IQCB1: variants seen among roughly 807,000 people sequenced by gnomAD.
IQCB1 encodes IQ calmodulin-binding motif-containing protein 1.
IQCB1 carries 56 observed loss-of-function variants against 84.4 expected under a neutral mutation model. The ratio of observed to expected loss-of-function variants is 0.66; its 90% CI spans 0.54 to 0.83. IQCB1 has a LOEUF of 0.83. Among genes scored for constraint, IQCB1 ranks in the 40% least tolerant of loss-of-function variants. The pLI, the probability that IQCB1 is intolerant of heterozygous loss-of-function variation, is 0.00. For synonymous variants in IQCB1, 210 were observed against 234.8 expected, an observed-to-expected ratio of 0.89 and a Z score of 0.96; for missense variants, 629 against 682.1, an observed-to-expected ratio of 0.92 and a Z score of 0.87.
intron 12 of IQCB1, among the ~76,000 whole-genome samples, chr3:121,786,876 C>T (rs577371678): frequency 6.9e-4 from 105 of 152,178 alleles, no homozygotes; most frequent in African/African-American, 2.4e-3. Context: ...AGTAAGTCAA[C>T]CTAATAAGGA....
chr3:121,778,073 A>G (rs1948303538), intron 13 of IQCB1, among the ~76,000 whole-genome samples: 1 of 152,028 alleles, frequency 6.6e-6, no homozygotes, highest in African/African-American at 2.4e-5. Flanking sequence ...ATGCCTGGCT[A>G]ATTTTTAAAT....
intron 13 of IQCB1, among the ~76,000 whole-genome samples, chr3:121,779,533 T>C (rs2108520252): frequency 6.6e-6 from 1 of 152,290 alleles, no homozygotes; most frequent in Non-Finnish European, 1.5e-5. Flanking sequence ...TTTTTGAACA[T>C]ATAAAATACA....
In IQCB1 at chr3:121,772,613, T is replaced by A; in HGVS notation, c.1511A>T (p.Gln504Leu). 1 of 1,614,254 alleles carries A rather than the reference T, an allele frequency of 6.2e-7. No homozygotes were observed. Among genetic ancestry groups the A allele is most frequent in the Non-Finnish European group, 8.5e-7 (1 of 1,180,044 alleles). The change falls in exon 14 of 15, where the codon CAG becomes CTG. Residue 504 changes from glutamine to leucine, a missense_variant. Coordinates refer to ENST00000310864, the MANE Select transcript of IQCB1 (RefSeq NM_001023570.4). ...TGCTATCAGAGCTTCTCTGTGCTGC[T>A]GGGCTCGCTCTTCTAGGGCCCTGCC... ...FMGRALEERA[Q>L]QHREALIAQI...
At chr3:121,792,376 TG>T (rs1437017572) in intron 10 of IQCB1, among the ~76,000 whole-genome samples, 1 of 151,632 alleles carries the variant, frequency 6.6e-6, no homozygotes, top group African/African-American at 2.4e-5. Context: ...AAGTGAGATT[TG>T]GGCCGGGCGC....
At chr3:121,792,661 C>CAA (rs56685889) in intron 10 of IQCB1, among the ~76,000 whole-genome samples, 46 of 76,128 alleles carry the variant, frequency 6.0e-4, no homozygotes, top group Non-Finnish European at 8.3e-4. Context: ...GACTCCGTCT[C>CAA]AAAAAAAAAA....
chr3:121,786,656 A>T (rs1302339939), intron 12 of IQCB1, among the ~76,000 whole-genome samples: 1 of 152,178 alleles, frequency 6.6e-6, no homozygotes, highest in Non-Finnish European at 1.5e-5. Context: ...TTTCTTAGCT[A>T]GAGGAGATAT....
chr3:121,808,405 T>TC (rs1949689488), intron 6 of IQCB1, among the ~76,000 whole-genome samples: 1 of 151,972 alleles, frequency 6.6e-6, no homozygotes, highest in African/African-American at 2.4e-5. Context: ...ATTTTTTCAG[T>TC]CTTAAGAAAA....
chr3:121,828,377 T>C, intron 4 of IQCB1, 93 bp downstream of exon 4: 1 of 1,103,552 alleles, frequency 9.1e-7, no homozygotes, highest in Admixed American at 1.7e-5. Flanking sequence ...AGGTTGCCAA[T>C]GCTTGTTAGG....
intron 13 of IQCB1, among the ~76,000 whole-genome samples, chr3:121,773,902 C>T (rs4676745): frequency 0.64 from 96,977 of 150,896 alleles, 31,573 homozygotes; most frequent in African/African-American, 0.71. Context: ...CAACAAAAAC[C>T]AGACAAAATG....
In IQCB1 at chr3:121,826,100, A is replaced by C; in HGVS notation, c.344T>G (p.Phe115Cys). The C allele has an allele frequency of 1.2e-6, 2 of 1,613,442 alleles. No homozygotes were observed. The highest frequency in any genetic ancestry group is 1.7e-6 in the Non-Finnish European group (2 of 1,179,398). Residue 115 changes from phenylalanine to cysteine, a missense_variant, in exon 5 of 15, where the codon TTT becomes TGT. Phe to Cys is a radical substitution (Grantham distance 205). Transcript: ENST00000310864. ...NELLPSAAEN[F>C]LVLGRQLQTC... is the part of the protein sequence containing the mutation. ...TTGTAATTGTCTCCCCAAAACTAGA[A>C]AATTTTCTGCAGCTGATGGAAGTAA...
At chr3:121,796,563 C>T (rs1404585505) in intron 9 of IQCB1, among the ~76,000 whole-genome samples, 2 of 151,882 alleles carry the variant, frequency 1.3e-5, no homozygotes. Context: ...TTTATTAATA[C>T]CATTTCTTAC....
In IQCB1 at chr3:121,797,155, A is replaced by C. The variant is rs1470893603; in HGVS notation, c.839T>G (p.Leu280Arg). Residue 280 changes from leucine to arginine, a missense_variant, in exon 9 of 15, where the codon CTT (leucine) becomes CGT (arginine). Physicochemically the swap from Leu to Arg is moderately radical, Grantham distance 102 (BLOSUM62 -2). Coordinates refer to ENST00000310864, the MANE Select transcript of IQCB1 (RefSeq NM_001023570.4). The part of the protein sequence containing the change: ...FSQELRQLVG[L>R]LSPMVYQEVE... ...TTCCTGATAGACCATTGGGCTTAAA[A>C]GGCCAACAAGCTGTCTAAGTTCTTG... 6.2e-7 allele frequency: 1 copy of C among 1,609,648 alleles called. No homozygotes were observed. Among genetic ancestry groups the C allele is most frequent in the African/African-American group, 1.3e-5 (1 of 74,884 alleles).
chr3:121,781,235 C>A (rs1316595166), intron 13 of IQCB1, among the ~76,000 whole-genome samples: 2 of 152,132 alleles, frequency 1.3e-5, no homozygotes, highest in African/African-American at 4.8e-5. Context: ...AGGTGACCTG[C>A]CATCCTGTGG....
At chr3:121,813,825 G>C (rs1170576997) in intron 5 of IQCB1, among the ~76,000 whole-genome samples, 2 of 152,152 alleles carry the variant, frequency 1.3e-5, no homozygotes, top group African/African-American at 4.8e-5. Context: ...ATAATAGTGA[G>C]AGACTTTAAC....
chr3:121,776,043 C>CA (rs1948210988), intron 13 of IQCB1, among the ~76,000 whole-genome samples: 4 of 84,866 alleles, frequency 4.7e-5, no homozygotes, highest in African/African-American at 1.1e-4. Context: ...GATTCATCCA[C>CA]GTTTTTTTTT....
chr3:121,792,771 T>A (rs1305815726), intron 10 of IQCB1, among the ~76,000 whole-genome samples: 1 of 152,150 alleles, frequency 6.6e-6, no homozygotes, highest in Non-Finnish European at 1.5e-5. Flanking sequence ...CTGAAAACAT[T>A]TATTAGGAAC....
Position 121,790,169 on chromosome 3 carries a change from C to T in IQCB1, c.1033G>A (p.Glu345Lys). 4 of 1,613,610 alleles carry T rather than the reference C, an allele frequency of 2.5e-6. No individual in the cohort carries two copies. In the South Asian group the frequency reaches 4.4e-5, roughly 18 times the overall value. Reference protein sequence around the residue: ...MLLEINRQKEEEDLKLQLQLQ... With the variant: ...MLLEINRQKEKEDLKLQLQLQ... ...TGCAATTGTAATTTGAGGTCCTCTT[C>T]TTCCTTCTGCCTATTTATCTCCAGC... Residue 345 changes from glutamate (E) to lysine (K), a missense_variant, in exon 11 of 15, where the codon GAA becomes AAA. Glu to Lys is a moderately conservative substitution (Grantham distance 56). Transcript: ENST00000310864.
In IQCB1 at chr3:121,781,819, C is replaced by T. The variant is rs377265463; in HGVS notation, c.1334G>A (p.Arg445Gln). Residue 445 changes from arginine to glutamine, a missense_variant, in exon 13 of 15, where the codon CGA becomes CAA. Arg to Gln is a conservative substitution (Grantham distance 43). Coordinates refer to ENST00000310864, the MANE Select transcript of IQCB1 (RefSeq NM_001023570.4). ...TGCATCAGTGAGTTCTTGGAGTCCT[C>T]GCCAAGGAGCAAATAGTTTCTTTTT... ...RKKKKLFAPW[R>Q]GLQELTDARR... The T allele has an allele frequency of 2.9e-5, 46 of 1,613,696 alleles. No individual in the cohort carries two copies. The highest frequency in any genetic ancestry group is 1.6e-4 in the Middle Eastern group (1 of 6,080).
At chr3:121,824,834 A>T (rs1950406237) in intron 5 of IQCB1, among the ~76,000 whole-genome samples, 1 of 151,846 alleles carries the variant, frequency 6.6e-6, no homozygotes, top group South Asian at 2.1e-4. Context: ...AAAAAAAAAG[A>T]GAATTTAGAA....
Sources: allele counts gnomAD v4.1 joint callset (sites outside exome capture counted in the v4.1 genomes callset), GRCh38; gene constraint gnomAD v4.1.1; transcripts MANE v1.5; gene names NCBI Gene and HGNC (gene_info 2026-07-23, HGNC 2026-07-21).